CSMD1: variants seen among roughly 807,000 people sequenced by gnomAD.
CSMD1 encodes the protein CUB and sushi domain-containing protein 1.
Under a neutral mutation model 417.5 loss-of-function variants are expected in CSMD1, and 213 were observed. That is an observed-to-expected ratio of 0.51 (90% CI 0.46 to 0.57). The LOEUF is 0.57. Among genes scored for constraint, CSMD1 ranks in the 20% least tolerant of loss-of-function variants. CSMD1 has a pLI of 0.00. For synonymous variants in CSMD1, 2,862 were observed against 1,736.8 expected (o/e 1.65, Z -16.11); for missense variants, 6,923 against 4,529.7 (o/e 1.53, Z -15.17).
rs1803986698 is a variant in CSMD1 at position 2,966,644 on chromosome 8, T to C, written c.9026A>G (p.Tyr3009Cys). 6.2e-7 allele frequency: 1 copy of C among 1,613,646 alleles called. No individual in the cohort carries two copies. The highest frequency in any genetic ancestry group is 1.7e-5 in the Admixed American group (1 of 59,982). ...SSVIYACWEGYKTSGLMTRHC... is the reference protein window; with the variant it reads ...SSVIYACWEGCKTSGLMTRHC... ...CCGTGTCATGAGCCCTGAGGTCTTGTAGCCTTCCCAGCAGGCATAGATGAC... is the reference window on the plus strand; with the variant it reads ...CCGTGTCATGAGCCCTGAGGTCTTGCAGCCTTCCCAGCAGGCATAGATGAC... Residue 3009 changes from tyrosine to cysteine, a missense_variant, in exon 58 of 70, where the codon TAC becomes TGC. Tyr to Cys is a radical substitution (Grantham distance 194, BLOSUM62 -2). Coordinates refer to ENST00000635120, the MANE Select transcript of CSMD1 (RefSeq NM_033225.6).
intron 12 of CSMD1, among the ~76,000 whole-genome samples, chr8:3,417,722 AT>A (rs201375809): frequency 6.6e-6 from 1 of 151,968 alleles, no homozygotes; most frequent in African/African-American, 2.4e-5. Flanking sequence ...TTAGATTCTC[AT>A]TTTTTTTCCC....
At chr8:3,552,792 G>A (rs989736184) in intron 10 of CSMD1, among the ~76,000 whole-genome samples, 2 of 152,018 alleles carry the variant, frequency 1.3e-5, no homozygotes, top group Admixed American at 1.3e-4. Flanking sequence ...TAATACAGAA[G>A]ACTAAGAACC....
intron 6 of CSMD1, among the ~76,000 whole-genome samples, chr8:3,745,303 G>T (rs1338593232): frequency 6.6e-6 from 1 of 152,178 alleles, no homozygotes; most frequent in East Asian, 1.9e-4. Flanking sequence ...GAACATGATG[G>T]TCAGCTCTGC....
chr8:4,869,174 G>A (rs1000330201), intron 1 of CSMD1, among the ~76,000 whole-genome samples: 11 of 151,688 alleles, frequency 7.3e-5, no homozygotes, highest in Non-Finnish European at 2.9e-5. Context: ...AATAAATATG[G>A]CAATAATAAT....
chr8:4,959,561 A>G (rs752347756), intron 1 of CSMD1, among the ~76,000 whole-genome samples: 6 of 152,242 alleles, frequency 3.9e-5, no homozygotes, highest in Non-Finnish European at 8.8e-5. Context: ...TCACGGCACT[A>G]TAATTATCAC....
chr8:4,058,173 A>C (rs1488034525), intron 3 of CSMD1, among the ~76,000 whole-genome samples: 3 of 152,120 alleles, frequency 2.0e-5, no homozygotes, highest in Non-Finnish European at 4.4e-5. Flanking sequence ...TGAGCATGGA[A>C]TGTTCTTCCA....
At chr8:4,386,819 T>G (rs1419496239) in intron 3 of CSMD1, among the ~76,000 whole-genome samples, 1 of 152,176 alleles carries the variant, frequency 6.6e-6, no homozygotes, top group Non-Finnish European at 1.5e-5. Context: ...GCTCTTGGGA[T>G]TAATGTAAAG....
chr8:4,136,360 C>G (rs1270106060), intron 3 of CSMD1, among the ~76,000 whole-genome samples: 1 of 152,132 alleles, frequency 6.6e-6, no homozygotes, highest in Non-Finnish European at 1.5e-5. Flanking sequence ...CATCGCTGAG[C>G]ACAAATGAAG....
intron 27 of CSMD1, 89 bp downstream of exon 27, chr8:3,229,951 C>T: frequency 2.2e-6 from 2 of 926,280 alleles, no homozygotes; most frequent in South Asian, 2.3e-5. Context: ...AGAAATATTT[C>T]TGAAGAAATA....
intron 3 of CSMD1, among the ~76,000 whole-genome samples, chr8:4,368,115 T>G (rs889992723): frequency 1.3e-5 from 2 of 152,192 alleles, no homozygotes; most frequent in Non-Finnish European, 2.9e-5. Context: ...CTTCTAGCTT[T>G]TTCTCATTCA....
chr8:4,068,079 C>T (rs1173402023), intron 3 of CSMD1, among the ~76,000 whole-genome samples: 1 of 149,704 alleles, frequency 6.7e-6, no homozygotes, highest in Non-Finnish European at 1.5e-5. Context: ...GACAACGTCT[C>T]AAAAAAGAAA....
chr8:3,529,677 T>C (rs1409814381), intron 10 of CSMD1, among the ~76,000 whole-genome samples: 7 of 152,226 alleles, frequency 4.6e-5, no homozygotes, highest in Non-Finnish European at 1.0e-4. Flanking sequence ...CAGAAGAGCT[T>C]ACTAAGCAAC....
intron 5 of CSMD1, among the ~76,000 whole-genome samples, chr8:3,795,974 C>T (rs1347581487): frequency 1.5e-5 from 1 of 64,558 alleles, no homozygotes; most frequent in African/African-American, 4.9e-5. Flanking sequence ...AGATATCTAT[C>T]ATGTACAGAT....
intron 5 of CSMD1, among the ~76,000 whole-genome samples, chr8:3,772,698 T>C (rs1032368213): frequency 3.4e-5 from 5 of 148,458 alleles, no homozygotes; most frequent in African/African-American, 1.2e-4. Context: ...TATACAAATA[T>C]ATACACACAC....
At chr8:4,474,736 G>A (rs547555012) in intron 2 of CSMD1, among the ~76,000 whole-genome samples, 21 of 152,190 alleles carry the variant, frequency 1.4e-4, no homozygotes, top group Admixed American at 1.3e-3. Context: ...TCTGCCATCC[G>A]GAGACAGCAA....
At chr8:3,680,227 A>C (rs748107770) in intron 7 of CSMD1, among the ~76,000 whole-genome samples, 1 of 152,206 alleles carries the variant, frequency 6.6e-6, no homozygotes, top group Non-Finnish European at 1.5e-5. Flanking sequence ...AAAACCCTTC[A>C]AAAAATCGAT....
chr8:2,989,927 T>C (rs928118900), intron 54 of CSMD1, among the ~76,000 whole-genome samples: 3 of 152,222 alleles, frequency 2.0e-5, no homozygotes, highest in Non-Finnish European at 1.5e-5. Flanking sequence ...AATAATTGTA[T>C]TGATGGTGTC....
chr8:3,856,069 G>C (rs1164746719), intron 5 of CSMD1, among the ~76,000 whole-genome samples: 1 of 151,868 alleles, frequency 6.6e-6, no homozygotes, highest in Admixed American at 6.6e-5. Context: ...GGAATGGTTT[G>C]GATCTGTGTT....
intron 7 of CSMD1, among the ~76,000 whole-genome samples, chr8:3,656,817 C>G (rs1372413003): frequency 6.6e-6 from 1 of 151,814 alleles, no homozygotes; most frequent in Non-Finnish European, 1.5e-5. Context: ...CCCAGCTATT[C>G]AGGAGGCTGA....
Sources: allele counts gnomAD v4.1 joint callset (sites outside exome capture counted in the v4.1 genomes callset), GRCh38; gene constraint gnomAD v4.1.1; transcripts MANE v1.5; gene names NCBI Gene and HGNC (gene_info 2026-07-23, HGNC 2026-07-21).